The following KIFC3 variants were observed in gnomAD, a reference collection of about 807,000 sequenced individuals.
KIFC3 encodes kinesin family member C3.
Under a neutral mutation model 101.8 loss-of-function variants are expected in KIFC3, and 60 were observed. The ratio of observed to expected loss-of-function variants is 0.59; its 90% CI spans 0.48 to 0.73. The LOEUF (loss-of-function observed/expected upper bound fraction) is 0.73. Ranked by LOEUF, KIFC3 falls within the 30% of genes least tolerant of loss-of-function variation. The probability of loss-of-function intolerance (pLI) is 0.00; values close to 1 mark genes in which losing one functional copy is unlikely to be tolerated. For synonymous variants in KIFC3, 476 were observed against 482.7 expected (o/e 0.99, Z 0.18); for missense variants, 966 against 1,137.1 (o/e 0.85, Z 2.16).
At position 57,787,666 on chromosome 16, in the gene KIFC3, C is replaced by T. The variant is rs138665855; in HGVS notation, c.315+7333G>A. Among the ~76,000 whole-genome samples, 697 of 152,296 alleles carry T rather than the reference C, an allele frequency of 4.6e-3. 3 individuals carry two copies. The highest frequency in any genetic ancestry group is 7.1e-3 in the Non-Finnish European group (486 of 68,014). The stretch of plus-strand genomic sequence containing the variant: ...GGTAACCCTTGCTGTTCCCTGGGAT[C>T]GGCCTTCCTCTTCTCAGCGCACAAT... On this transcript the variant is annotated intron_variant, in intron 3 of 19. Transcript: ENST00000445690.
intron 18 of KIFC3, 46 bp from the exon 19 acceptor site, chr16:57,759,199 C>T (rs1448491906): frequency 4.5e-6 from 7 of 1,549,552 alleles, no homozygotes; most frequent in Non-Finnish European, 6.1e-6. Flanking sequence ...TTGCCTTGGG[C>T]CAGTACCCCA....
intron 1 of KIFC3, among the ~76,000 whole-genome samples, chr16:57,859,028 A>G (rs2056238616): frequency 6.6e-6 from 1 of 152,250 alleles, no homozygotes. Flanking sequence ...AGACAGACAA[A>G]TGCATGGAAA....
intron 3 of KIFC3, among the ~76,000 whole-genome samples, chr16:57,791,834 G>A (rs201397307): frequency 1.3e-5 from 2 of 152,198 alleles, no homozygotes; most frequent in East Asian, 3.8e-4. Flanking sequence ...TTCTTTAACT[G>A]TTCTCTCACC....
At chr16:57,812,455 C>T (rs1442193853) in intron 1 of KIFC3, among the ~76,000 whole-genome samples, 1 of 152,076 alleles carries the variant, frequency 6.6e-6, no homozygotes, top group East Asian at 1.9e-4. Flanking sequence ...CCCCTCTAAG[C>T]AGCCTCACTC....
chr16:57,761,493 G>A lies in KIFC3; in HGVS notation c.1792C>T (p.Leu598=), dbSNP rs2049852503. The A allele has an allele frequency of 3.7e-6, 6 of 1,613,688 alleles. No individual in the cohort carries two copies. The African/African-American group carries it at 8.0e-5, about 22-fold the overall frequency. The change falls in exon 14 of 20, where the codon CTG becomes TTG. Residue 598 remains leucine (L), a synonymous_variant. Transcript: ENST00000445690. ...KEPQEKLEIR[L]CPDGSGQLYV... is the part of the protein sequence containing the mutation. Reference sequence around the variant, plus strand: ...AGCTGCCCACTGCCGTCTGGGCACAGCCGGATCTCCAGTTTTTCCTGAGGC... The same window carrying A: ...AGCTGCCCACTGCCGTCTGGGCACAACCGGATCTCCAGTTTTTCCTGAGGC...
At chr16:57,796,340 G>A (rs934285402) in intron 2 of KIFC3, among the ~76,000 whole-genome samples, 1 of 152,200 alleles carries the variant, frequency 6.6e-6, no homozygotes, top group Admixed American at 6.5e-5. Flanking sequence ...AGGCCAATAG[G>A]ACTACAGTAG....
At chr16:57,788,923 C>T (rs1555619072) in intron 3 of KIFC3, among the ~76,000 whole-genome samples, 1 of 152,208 alleles carries the variant, frequency 6.6e-6, no homozygotes, top group East Asian at 1.9e-4. Flanking sequence ...AGTGCCTTCT[C>T]CTGGCCTCCC....
chr16:57,773,398 A>C (rs782206768), intron 3 of KIFC3, among the ~76,000 whole-genome samples: 5 of 152,202 alleles, frequency 3.3e-5, no homozygotes, highest in Non-Finnish European at 5.9e-5. Context: ...GGACGACAGG[A>C]GGTGAGAACG....
Position 57,775,083 on chromosome 16 carries a change from G to A in KIFC3, c.316-2795C>T, listed in dbSNP as rs1242435116. Reference sequence around the variant, plus strand: ...GGGGTGGGAGGCGGGATACCCACCAGCCACCTGCCTGCGGCCCAGGGTTCT... The same window carrying A: ...GGGGTGGGAGGCGGGATACCCACCAACCACCTGCCTGCGGCCCAGGGTTCT... On this transcript the variant is annotated intron_variant, in intron 3 of 19. Coordinates refer to ENST00000445690, the MANE Select transcript of KIFC3 (RefSeq NM_001130100.2). The A allele has an allele frequency of 2.7e-6, 4 of 1,497,520 alleles. No homozygotes were observed. The African/African-American group carries it at 4.2e-5, about 16-fold the overall frequency. The allele number at this position is 1,497,520 out of a possible 1,614,324, so 92.8% of individuals were successfully genotyped here. A position where few individuals can be genotyped will look rare whatever the true frequency, so the allele number is the denominator to read the frequency against.
chr16:57,768,120 G>A (rs1424552789), intron 9 of KIFC3, among the ~76,000 whole-genome samples: 5 of 152,196 alleles, frequency 3.3e-5, no homozygotes, highest in Non-Finnish European at 7.3e-5. Flanking sequence ...GAGGTCAGGA[G>A]TTCAAAACCA....
rs111933219 is a variant in KIFC3, at chr16:57,769,711, A to G, written c.1102T>C (p.Leu368=). Residue 368 remains leucine, a synonymous_variant, in exon 9 of 20, where the codon TTG becomes CTG. Transcript: ENST00000445690. This position sits in a 1 kb window ranked among gnomAD's most constrained non-coding sequence, Gnocchi z 4.3. ...CGCAGTGCCGGCTGCAAGGTCAGCA[A>G]GTTGGTCCGGACGCCTATGGGGACA... ...HENLAGVRTN[L]LTLQPALRTL... 6 of 1,613,060 alleles carry G rather than the reference A, an allele frequency of 3.7e-6. No homozygotes were observed. Among genetic ancestry groups the G allele is most frequent in the African/African-American group, 1.3e-5 (1 of 75,022 alleles).
chr16:57,819,483 G>A (rs1272270062), intron 1 of KIFC3, among the ~76,000 whole-genome samples: 1 of 152,142 alleles, frequency 6.6e-6, no homozygotes, highest in Non-Finnish European at 1.5e-5. Flanking sequence ...AGCCAGAGAA[G>A]TCTTAACATA....
At chr16:57,840,866 C>A (rs1312921154) in intron 1 of KIFC3, among the ~76,000 whole-genome samples, 1 of 152,072 alleles carries the variant, frequency 6.6e-6, no homozygotes, top group Non-Finnish European at 1.5e-5. Flanking sequence ...CAATGTCAAA[C>A]CTGGCCACCT....
At chr16:57,765,836 T>C in intron 10 of KIFC3, 196 bp from the exon 11 acceptor site, 2 of 551,152 alleles carry the variant, frequency 3.6e-6, no homozygotes, top group Non-Finnish European at 6.4e-6. Flanking sequence ...GTACATTTCT[T>C]CTTGAACAGA....
At chr16:57,826,642 C>T (rs2055462656) in intron 1 of KIFC3, among the ~76,000 whole-genome samples, 1 of 152,112 alleles carries the variant, frequency 6.6e-6, no homozygotes, top group South Asian at 2.1e-4. Context: ...ATAGATGGCA[C>T]ATTAAGAAGT....
Position 57,765,499 on chromosome 16 carries a change from TCGAAGGACACAGGCTTGCC to T in KIFC3, c.1453_1471del (p.Gly485SerfsTer96). ...CTGTGGGGAGAAGACCTTGTCCAGCTCGAAGGACACAGGCTTGCCCTTGTGCAGCAGGTGGATGATGGAG... is the reference window on the plus strand; with the variant it reads ...CTGTGGGGAGAAGACCTTGTCCAGCTCTTGTGCAGCAGGTGGATGATGGAG... On this transcript the variant is annotated frameshift_variant, in exon 11 of 20. Coordinates refer to ENST00000445690, the MANE Select transcript of KIFC3 (RefSeq NM_001130100.2). LOFTEE classifies it high-confidence loss of function. 6.3e-7 allele frequency: 1 copy of T among 1,589,786 alleles called. No individual in the cohort carries two copies. Among genetic ancestry groups the T allele is most frequent in the Non-Finnish European group, 8.6e-7 (1 of 1,167,002 alleles).
Position 57,770,587 on chromosome 16 carries a change from C to T in KIFC3, c.879G>A (p.Leu293=). 6.6e-7 allele frequency: 1 copy of T among 1,525,410 alleles called. No homozygotes were observed. Among genetic ancestry groups the T allele is most frequent in the Non-Finnish European group, 8.8e-7 (1 of 1,135,250 alleles). The allele number at this position is 1,525,410 out of a possible 1,614,324, so 94.5% of individuals were successfully genotyped here. Residue 293 remains leucine (L), a synonymous_variant, in exon 7 of 20, where the codon CTG becomes CTA. Transcript: ENST00000445690. ...QEQVAMQRQV[L]KEMEQQLQSS... is the part of the protein sequence containing the mutation. ...TCTGCAGCTGCTGTTCCATCTCCTTCAGCACCTGCCTCTGCATAGCCACCT... is the reference window on the plus strand; with the variant it reads ...TCTGCAGCTGCTGTTCCATCTCCTTTAGCACCTGCCTCTGCATAGCCACCT...
intron 1 of KIFC3, among the ~76,000 whole-genome samples, chr16:57,828,193 A>T (rs1386947892): frequency 6.6e-6 from 1 of 152,164 alleles, no homozygotes; most frequent in Non-Finnish European, 1.5e-5. Flanking sequence ...ATCATGAGGG[A>T]GCCCCTGCCT....
intron 1 of KIFC3, among the ~76,000 whole-genome samples, chr16:57,808,393 T>A (rs566549649): frequency 2.4e-4 from 37 of 151,894 alleles, no homozygotes; most frequent in African/African-American, 7.2e-4. Flanking sequence ...CCTTGCTAAG[T>A]GTTCTGCCGC....
Sources: allele counts gnomAD v4.1 joint callset (sites outside exome capture counted in the v4.1 genomes callset), GRCh38; gene constraint gnomAD v4.1.1; non-coding constraint Gnocchi (gnomAD v3.1); transcripts MANE v1.5; gene names NCBI Gene and HGNC (gene_info 2026-07-23, HGNC 2026-07-21).